KSR2: variants seen among roughly 807,000 people sequenced by gnomAD.
KSR2 encodes kinase suppressor of ras 2.
KSR2 carries 25 observed loss-of-function variants against 107.8 expected under a neutral mutation model. The observed-to-expected ratio is 0.23, with a 90% confidence interval of 0.17 to 0.32. KSR2 has a LOEUF of 0.32. Ranked by LOEUF, KSR2 falls within the 10% of genes least tolerant of loss-of-function variation. The probability of loss-of-function intolerance (pLI) is 1.00; values close to 1 mark genes in which losing one functional copy is unlikely to be tolerated. For missense variants in KSR2, 887 were observed against 1,268.9 expected (o/e 0.70, Z 4.57); for synonymous variants, 480 against 507.0 (o/e 0.95, Z 0.71).
chr12:117,943,242 A>G (rs1593390720), intron 1 of KSR2, among the ~76,000 whole-genome samples: 1 of 152,276 alleles, frequency 6.6e-6, no homozygotes, highest in East Asian at 1.9e-4. Context: ...AATGACTATT[A>G]ATTTCTCAAA....
At chr12:117,637,344 T>C (rs996425440) in intron 5 of KSR2, among the ~76,000 whole-genome samples, 1 of 152,180 alleles carries the variant, frequency 6.6e-6, no homozygotes, top group African/African-American at 2.4e-5. Flanking sequence ...TGTGTGTAGA[T>C]GGTAGGGGAA....
chr12:117,607,644 GAGGGGAGGAA>G (rs1565923690), intron 5 of KSR2, among the ~76,000 whole-genome samples: 1 of 131,022 alleles, frequency 7.6e-6, no homozygotes, highest in Non-Finnish European at 1.6e-5. Flanking sequence ...ACCTCCCGGA[GAGGGGAGGAA>G]AGGAGAGGAG....
intron 3 of KSR2, among the ~76,000 whole-genome samples, chr12:117,835,358 G>A (rs1296660995): frequency 1.3e-5 from 2 of 152,112 alleles, no homozygotes; most frequent in African/African-American, 4.8e-5. Context: ...ACGGTTCCTC[G>A]CTTTCATCTG....
chr12:117,624,176 G>A (rs527367240), intron 5 of KSR2, among the ~76,000 whole-genome samples: 1 of 152,278 alleles, frequency 6.6e-6, no homozygotes, highest in Non-Finnish European at 1.5e-5. Flanking sequence ...TTTGTAGGTT[G>A]CCTGTTCACT....
At chr12:117,742,640 TAGAA>T in intron 4 of KSR2, among the ~76,000 whole-genome samples, 1 of 152,148 alleles carries the variant, frequency 6.6e-6, no homozygotes, top group Non-Finnish European at 1.5e-5. Context: ...TGAGGGGAAT[TAGAA>T]AGGAATTCTT....
In KSR2 at chr12:117,921,917, T is replaced by C. The variant is rs1431270924; in HGVS notation, c.180+46159A>G. On this transcript the variant is annotated intron_variant, in intron 1 of 19. Transcript: ENST00000339824. ...GTAAATAGTAGATGCTCTTCTTACATATATAAATGCAAATCCCTGAAGAGT... is the reference window on the plus strand; with the variant it reads ...GTAAATAGTAGATGCTCTTCTTACACATATAAATGCAAATCCCTGAAGAGT... Among the ~76,000 whole-genome samples, 5 of 152,204 alleles carry C rather than the reference T, an allele frequency of 3.3e-5. No individual in the cohort carries two copies. In the East Asian group the frequency reaches 5.8e-4, roughly 18 times the overall value.
Position 117,697,959 on chromosome 12 carries a change from C to G in KSR2, c.987-30301G>C, listed in dbSNP as rs372074730. ...CTGATGTCCCTATAAAAAGGGGAAA[C>G]TTGGACACAGAGACACGCACAGAGA... is the stretch of plus-strand genomic sequence containing the variant. On this transcript the variant is annotated intron_variant, in intron 4 of 19. Coordinates refer to ENST00000339824, the MANE Select transcript of KSR2 (RefSeq NM_173598.6). Among the ~76,000 whole-genome samples, 11 of 152,090 alleles carry G rather than the reference C, an allele frequency of 7.2e-5. No individual in the cohort carries two copies. In the East Asian group the frequency reaches 2.1e-3, roughly 29 times the overall value.
intron 3 of KSR2, among the ~76,000 whole-genome samples, chr12:117,774,604 C>T (rs959945856): frequency 6.6e-6 from 1 of 152,154 alleles, no homozygotes; most frequent in Non-Finnish European, 1.5e-5. Context: ...GAAGATTAAC[C>T]TTCAGTCACT....
At chr12:117,507,348 C>T (rs1373877563) in intron 14 of KSR2, among the ~76,000 whole-genome samples, 5 of 152,184 alleles carry the variant, frequency 3.3e-5, no homozygotes, top group Admixed American at 3.3e-4. Flanking sequence ...TTAAAGAAGG[C>T]CATGGCCATT....
intron 10 of KSR2, among the ~76,000 whole-genome samples, chr12:117,537,324 A>C (rs1345624073): frequency 6.6e-6 from 1 of 152,218 alleles, no homozygotes; most frequent in African/African-American, 2.4e-5. Flanking sequence ...TTCATCTTTC[A>C]TTCTACAATT....
At chr12:117,711,145 T>C (rs1235643753) in intron 4 of KSR2, among the ~76,000 whole-genome samples, 1 of 152,234 alleles carries the variant, frequency 6.6e-6, no homozygotes, top group Admixed American at 6.5e-5. Context: ...TTAAAGACCA[T>C]TGCAGCCTCC....
chr12:117,879,098 C>T (rs1893953959), intron 1 of KSR2, among the ~76,000 whole-genome samples: 1 of 151,992 alleles, frequency 6.6e-6, no homozygotes, highest in East Asian at 1.9e-4. Flanking sequence ...AGAATTTAAC[C>T]CTAGAATTGT....
At chr12:117,787,337 G>A (rs900316491) in intron 3 of KSR2, among the ~76,000 whole-genome samples, 5 of 152,134 alleles carry the variant, frequency 3.3e-5, no homozygotes, top group Non-Finnish European at 5.9e-5. Flanking sequence ...TGAGAGATAA[G>A]AAGAAAGCCA....
At chr12:117,752,899 GAGTTGTTAGGAT>G (rs1888658508) in intron 4 of KSR2, among the ~76,000 whole-genome samples, 2 of 152,170 alleles carry the variant, frequency 1.3e-5, no homozygotes, top group African/African-American at 4.8e-5. Flanking sequence ...TGCACACATA[GAGTTGTTAGGAT>G]CTTTCTTCCC....
intron 3 of KSR2, among the ~76,000 whole-genome samples, chr12:117,792,204 G>T (rs543870199): frequency 1.3e-5 from 2 of 152,214 alleles, no homozygotes; most frequent in South Asian, 4.2e-4. Context: ...AATTATCTGG[G>T]CATGGTGGTG....
At chr12:117,775,682 T>C (rs1014057831) in intron 3 of KSR2, among the ~76,000 whole-genome samples, 2 of 152,162 alleles carry the variant, frequency 1.3e-5, no homozygotes, top group Admixed American at 6.5e-5. Flanking sequence ...ATGTTTCCGA[T>C]GGGGAAACTG....
At chr12:117,826,028 T>C (rs1210364428) in intron 3 of KSR2, among the ~76,000 whole-genome samples, 1 of 150,864 alleles carries the variant, frequency 6.6e-6, no homozygotes, top group East Asian at 1.9e-4. Context: ...CATGGAGGGA[T>C]GGATGGATGG....
intron 3 of KSR2, among the ~76,000 whole-genome samples, chr12:117,836,312 C>T (rs1338499979): frequency 1.3e-5 from 2 of 152,148 alleles, no homozygotes; most frequent in African/African-American, 4.8e-5. Flanking sequence ...CCTGTGGAAT[C>T]TACCTTCCAG....
intron 1 of KSR2, among the ~76,000 whole-genome samples, chr12:117,926,593 A>G (rs1208477385): frequency 2.0e-5 from 3 of 152,204 alleles, no homozygotes; most frequent in Non-Finnish European, 4.4e-5. Flanking sequence ...TTCTCTAAAG[A>G]TCCATTCTCC....
Sources: allele counts gnomAD v4.1 joint callset (sites outside exome capture counted in the v4.1 genomes callset), GRCh38; gene constraint gnomAD v4.1.1; transcripts MANE v1.5; gene names NCBI Gene and HGNC (gene_info 2026-07-23, HGNC 2026-07-21).